The following DGKB variants were observed in gnomAD, a reference collection of about 807,000 sequenced individuals.
DGKB encodes 90 kDa diacylglycerol kinase.
Under a neutral mutation model 114.3 loss-of-function variants are expected in DGKB, and 67 were observed. The observed-to-expected ratio is 0.59, with a 90% confidence interval of 0.48 to 0.72. DGKB has a LOEUF of 0.72. Ranked by LOEUF, DGKB falls within the 30% of genes least tolerant of loss-of-function variation. DGKB has a pLI of 0.00. For missense variants in DGKB, 907 were observed against 975.2 expected (o/e 0.93, Z 0.93); for synonymous variants, 398 against 323.1 (o/e 1.23, Z -2.49).
At chr7:14,651,164 T>C (rs1814392971) in intron 13 of DGKB, among the ~76,000 whole-genome samples, 1 of 152,156 alleles carries the variant, frequency 6.6e-6, no homozygotes, top group Admixed American at 6.5e-5. Context: ...AGCATCATTC[T>C]GATACCAAAG....
Position 14,874,133 on chromosome 7 carries a change from C to A in DGKB, c.-188+28459G>T, listed in dbSNP as rs1026547890. Among the ~76,000 whole-genome samples, 6 of 152,116 alleles carry A rather than the reference C, an allele frequency of 3.9e-5. No homozygotes were observed. In the East Asian group the frequency reaches 1.2e-3, roughly 29 times the overall value. Reference sequence around the variant, plus strand: ...GGATGTACTCAGTTATCTAGCAGCACCACTTACACATACACAAGGACAAAC... The same window carrying A: ...GGATGTACTCAGTTATCTAGCAGCAACACTTACACATACACAAGGACAAAC... On this transcript the variant is annotated intron_variant, in intron 1 of 25. Transcript: ENST00000402815.
intron 1 of DGKB, among the ~76,000 whole-genome samples, chr7:14,850,646 G>T (rs1849228631): frequency 6.6e-6 from 1 of 152,234 alleles, no homozygotes; most frequent in Non-Finnish European, 1.5e-5. Context: ...AGGAAATGAT[G>T]GGGGAAGAGG....
At chr7:14,852,496 A>AAAAACAAAACAAAAAAAAAAC (rs74765279) in intron 1 of DGKB, among the ~76,000 whole-genome samples, 1 of 149,018 alleles carries the variant, frequency 6.7e-6, no homozygotes, top group African/African-American at 2.4e-5. Context: ...TCAAAAAAAA[A>AAAAACAAAACAAAAAAAAAAC]ACAGAAATCA....
rs549248853 is a variant in DGKB, at chr7:14,262,289, T to G, written c.2122+76226A>C. Among the ~76,000 whole-genome samples, 9 of 152,292 alleles carry G rather than the reference T, an allele frequency of 5.9e-5. No individual in the cohort carries two copies. In the East Asian group the frequency reaches 1.7e-3, roughly 29 times the overall value. ...TTTATGTCCCCTCAAAATTCATATG[T>G]TAAATGTGATAGCATTAAGAGGTGG... On this transcript the variant is annotated intron_variant, in intron 23 of 25. Transcript: ENST00000402815.
chr7:14,659,869 T>C (rs1202532661), intron 13 of DGKB, among the ~76,000 whole-genome samples: 3 of 151,978 alleles, frequency 2.0e-5, no homozygotes, highest in Non-Finnish European at 4.4e-5. Flanking sequence ...GGCTGTGGGT[T>C]TGTCATAGAT....
At chr7:14,914,130 A>T (rs150423400) in intron 1 of DGKB, among the ~76,000 whole-genome samples, 1 of 152,184 alleles carries the variant, frequency 6.6e-6, no homozygotes, top group Non-Finnish European at 1.5e-5. Flanking sequence ...CATAGTATTT[A>T]TAATGAAGAA....
Position 14,947,688 on chromosome 7 carries a change from G to A in DGKB, c.-188+27008C>T, listed in dbSNP as rs1390369315. On this transcript the variant is annotated intron_variant, in intron 1 of 4. Transcript: ENST00000437998. The stretch of plus-strand genomic sequence containing the variant: ...ATTTGTATCATGTATGTGTTAACAT[G>A]TATGTTCAAATAGAAGTTGGGGAAA... 2.0e-5 allele frequency among the ~76,000 whole-genome samples: 3 copies of A among 151,634 alleles called. No homozygotes were observed. In the East Asian group the frequency reaches 5.8e-4, roughly 29 times the overall value.
At chr7:14,601,089 G>A (rs916308108) in intron 17 of DGKB, among the ~76,000 whole-genome samples, 1 of 152,202 alleles carries the variant, frequency 6.6e-6, no homozygotes, top group Non-Finnish European at 1.5e-5. Context: ...TGCCTTCACA[G>A]CTTTTGCACT....
intron 20 of DGKB, among the ~76,000 whole-genome samples, chr7:14,555,699 G>C (rs939026674): frequency 1.3e-5 from 2 of 152,128 alleles, no homozygotes; most frequent in African/African-American, 4.8e-5. Flanking sequence ...ACAAGATACA[G>C]GTCATAAAGA....
chr7:14,761,894 G>C (rs982526433), intron 2 of DGKB, among the ~76,000 whole-genome samples: 3 of 152,140 alleles, frequency 2.0e-5, no homozygotes, highest in African/African-American at 7.2e-5. Context: ...AAGGGAGCTG[G>C]ACAGATGCGC....
intron 21 of DGKB, among the ~76,000 whole-genome samples, chr7:14,435,649 C>A (rs1443228724): frequency 6.6e-6 from 1 of 152,040 alleles, no homozygotes; most frequent in Non-Finnish European, 1.5e-5. Context: ...GCCATGTTAT[C>A]TTTGATGGCT....
rs545074411 is a variant in DGKB at position 14,642,129 on chromosome 7, T to A, written c.1135-11861A>T. On this transcript the variant is annotated intron_variant, in intron 13 of 25. Coordinates refer to ENST00000402815, the MANE Select transcript of DGKB (RefSeq NM_001350709.2). Reference sequence around the variant, plus strand: ...TTATTTTGTTGTCCTCAGTGTTGATTTTTGCCTTATTCTAATACAGATATA... The same window carrying A: ...TTATTTTGTTGTCCTCAGTGTTGATATTTGCCTTATTCTAATACAGATATA... 3.3e-5 allele frequency among the ~76,000 whole-genome samples: 5 copies of A among 152,214 alleles called. No homozygotes were observed. In the South Asian group the frequency reaches 1.0e-3, roughly 32 times the overall value.
At chr7:14,426,284 G>A (rs1161833704) in intron 21 of DGKB, among the ~76,000 whole-genome samples, 1 of 152,098 alleles carries the variant, frequency 6.6e-6, no homozygotes, top group Non-Finnish European at 1.5e-5. Context: ...GGATAAGATT[G>A]GACTTAGAAA....
chr7:14,651,608 TCA>T (rs1182428006), intron 13 of DGKB, among the ~76,000 whole-genome samples: 1 of 144,930 alleles, frequency 6.9e-6, no homozygotes, highest in Non-Finnish European at 1.5e-5. Flanking sequence ...ATGCGCTCTC[TCA>T]CCACTCCTAT....
At chr7:14,618,607 C>A (rs888842305) in intron 15 of DGKB, among the ~76,000 whole-genome samples, 1 of 151,426 alleles carries the variant, frequency 6.6e-6, no homozygotes, top group African/African-American at 2.4e-5. Context: ...AAGTGTAAAC[C>A]TATGGTGTGA....
intron 23 of DGKB, among the ~76,000 whole-genome samples, chr7:14,298,595 T>C (rs559200504): frequency 1.3e-5 from 2 of 151,228 alleles, no homozygotes; most frequent in East Asian, 3.9e-4. Flanking sequence ...CCTAAAGCCA[T>C]AAAACCCAGG....
At chr7:14,767,289 G>T (rs1305886472) in intron 2 of DGKB, among the ~76,000 whole-genome samples, 2 of 151,852 alleles carry the variant, frequency 1.3e-5, no homozygotes, top group Non-Finnish European at 2.9e-5. Context: ...CATAGCAGAA[G>T]GTCTGGCTTA....
chr7:14,655,920 C>A (rs550929621), intron 13 of DGKB, among the ~76,000 whole-genome samples: 1 of 151,592 alleles, frequency 6.6e-6, no homozygotes, highest in East Asian at 1.9e-4. Context: ...TTAACTGATA[C>A]AAAATTACAG....
At chr7:14,356,352 CTTTTTTTTTTTTTTT>C (rs997102742) in intron 21 of DGKB, among the ~76,000 whole-genome samples, 4 of 77,224 alleles carry the variant, frequency 5.2e-5, no homozygotes, top group African/African-American at 1.6e-4. Flanking sequence ...TTCTCTAGTT[CTTTTTTTTTTTTTTT>C]TTTTTTTTTT....
Sources: allele counts gnomAD v4.1 joint callset (sites outside exome capture counted in the v4.1 genomes callset), GRCh38; gene constraint gnomAD v4.1.1; transcripts MANE v1.5; gene names NCBI Gene and HGNC (gene_info 2026-07-23, HGNC 2026-07-21).